Variants in FAM185A observed in about 807,000 individuals in gnomAD.
FAM185A encodes the protein family with sequence similarity 185 member A.
FAM185A carries 21 observed loss-of-function variants against 45.7 expected under a neutral mutation model. The ratio of observed to expected loss-of-function variants is 0.46; its 90% CI spans 0.33 to 0.66. The LOEUF is 0.66. FAM185A is among the 30% of genes least tolerant of loss of function. The pLI, the probability that FAM185A is intolerant of heterozygous loss-of-function variation, is 0.03. For synonymous variants in FAM185A, 117 were observed against 194.0 expected (o/e 0.60, Z 3.30); for missense variants, 305 against 485.4 (o/e 0.63, Z 3.49).
downstream of FAM185A, among the ~76,000 whole-genome samples, chr7:102,812,618 A>C (rs939792640): frequency 6.6e-6 from 1 of 152,174 alleles, no homozygotes; most frequent in Non-Finnish European, 1.5e-5. Context: ...AAAAAGCGTT[A>C]CAGATCCTTA....
At chr7:102,780,827 G>A (rs879920108) in intron 6 of FAM185A, among the ~76,000 whole-genome samples, 12 of 152,206 alleles carry the variant, frequency 7.9e-5, no homozygotes, top group Non-Finnish European at 1.3e-4. Flanking sequence ...GACAGTGGGC[G>A]CAGCGCACCG....
intron 7 of FAM185A, among the ~76,000 whole-genome samples, chr7:102,804,258 C>G (rs1383426579): frequency 6.6e-6 from 1 of 152,172 alleles, no homozygotes; most frequent in Non-Finnish European, 1.5e-5. Flanking sequence ...AATCTGGAGG[C>G]ATCATATTAC....
intron 4 of FAM185A, among the ~76,000 whole-genome samples, chr7:102,771,368 A>G (rs1289479892): frequency 1.3e-5 from 2 of 152,184 alleles, no homozygotes; most frequent in African/African-American, 4.8e-5. Context: ...ATGAAAAAAA[A>G]TTAGTAATCT....
At chr7:102,829,626 T>C in the FAM185A span, among the ~76,000 whole-genome samples, 1 of 152,182 alleles carries the variant, frequency 6.6e-6, no homozygotes, top group South Asian at 2.1e-4. Flanking sequence ...AACCAGCTTT[T>C]CCTCTGATTT....
intron 2 of FAM185A, among the ~76,000 whole-genome samples, chr7:102,753,409 C>A (rs1185544887): frequency 4.0e-5 from 6 of 151,468 alleles, no homozygotes; most frequent in Admixed American, 3.3e-4. Context: ...CCATTGTAGG[C>A]ATAAAATTAA....
intron 7 of FAM185A, among the ~76,000 whole-genome samples, chr7:102,794,885 G>GA (rs1562873969): frequency 6.6e-6 from 1 of 152,160 alleles, no homozygotes; most frequent in Non-Finnish European, 1.5e-5. Context: ...TATTCTGAGT[G>GA]AAAAAAGCCA....
intron 4 of FAM185A, among the ~76,000 whole-genome samples, chr7:102,761,622 T>G (rs1314263076): frequency 2.6e-5 from 4 of 151,954 alleles, no homozygotes; most frequent in Non-Finnish European, 5.9e-5. Flanking sequence ...GATTATGCTG[T>G]TATATATGGA....
chr7:102,751,796 G>A lies in FAM185A; in HGVS notation c.556G>A (p.Val186Ile). ...GCATGGGACTAGTATCTTGCAGTCT[G>A]TTAAGGTATAGCATTTTTCTAATTT... ...TEHGTSILQS[V>I]KGQKLHVQTK... The change falls in exon 2 of 8, where the codon GTT becomes ATT. Residue 186 changes from valine to isoleucine, a missense_variant. By Grantham distance (29) the Val-to-Ile change is conservative. Transcript: ENST00000413034. 4 of 1,532,056 alleles carry A rather than the reference G, an allele frequency of 2.6e-6. No homozygotes were observed. Among genetic ancestry groups the A allele is most frequent in the Non-Finnish European group, 3.5e-6 (4 of 1,139,092 alleles). The allele number at this position is 1,532,056 out of a possible 1,614,324, so 94.9% of individuals were successfully genotyped here.
intron 7 of FAM185A, among the ~76,000 whole-genome samples, chr7:102,800,618 G>C (rs983426529): frequency 3.9e-5 from 6 of 152,042 alleles, no homozygotes; most frequent in Admixed American, 6.5e-5. Flanking sequence ...CTCAGCAATA[G>C]AATTGAATAA....
chr7:102,840,373 T>A, the FAM185A span, among the ~76,000 whole-genome samples: 1 of 152,256 alleles, frequency 6.6e-6, no homozygotes, highest in African/African-American at 2.4e-5. Flanking sequence ...TACATTTCTC[T>A]AAGTTTATTT....
Position 102,749,265 on chromosome 7 carries a change from G to C in FAM185A, c.58G>C (p.Val20Leu). The change falls in exon 1 of 8, where the codon GTC becomes CTC. Residue 20 changes from valine (V) to leucine (L), a missense_variant. Physicochemically the swap from Val to Leu is conservative, Grantham distance 32. Around this residue, in one of 5 missense-constraint regions of FAM185A, gnomAD observed 174 missense variants for 247.1 expected, o/e 0.70. Coordinates refer to ENST00000413034, the MANE Select transcript of FAM185A (RefSeq NM_001145268.2). ...CTGCTTCCGTCTCTGTCTCCGTCAG[G>C]TCCGACTGTGGGCTGGCGCTGGGCG... ...LGCFRLCLRQ[V>L]RLWAGAGRWA... 1 of 1,550,604 alleles carries C rather than the reference G, an allele frequency of 6.4e-7. No individual in the cohort carries two copies. The highest frequency in any genetic ancestry group is 2.4e-5 in the East Asian group (1 of 40,924).
intron 3 of FAM185A, among the ~76,000 whole-genome samples, chr7:102,759,888 G>A (rs1794004521): frequency 1.3e-5 from 2 of 152,058 alleles, no homozygotes; most frequent in Non-Finnish European, 2.9e-5. Flanking sequence ...AACTTGGACG[G>A]GTTCTAGACC....
intron 4 of FAM185A, among the ~76,000 whole-genome samples, chr7:102,771,830 T>G (rs548703131): frequency 6.6e-6 from 1 of 152,296 alleles, no homozygotes; most frequent in South Asian, 2.1e-4. Flanking sequence ...ATCCTTATCA[T>G]GGAAAACATA....
At chr7:102,766,982 G>A (rs530129884) in intron 4 of FAM185A, among the ~76,000 whole-genome samples, 1 of 152,036 alleles carries the variant, frequency 6.6e-6, no homozygotes, top group East Asian at 1.9e-4. Flanking sequence ...TTTTAGTACA[G>A]ACAGGGTTTC....
rs778346681 is a variant in FAM185A at position 102,757,951 on chromosome 7, G to C, written c.654+5G>C. 3 of 1,515,496 alleles carry C rather than the reference G, an allele frequency of 2.0e-6. No homozygotes were observed. In the South Asian group the frequency reaches 3.8e-5, roughly 19 times the overall value. 93.9% of individuals were successfully genotyped at this position (1,515,496 alleles called of 1,614,324 possible). On this transcript the variant is annotated splice_donor_5th_base_variant and intron_variant, in intron 3 of 7. Transcript: ENST00000413034. Reference sequence around the variant, plus strand: ...ATTCATGCATCAGATAAAAGTGTAAGATTGAAACTTTCTTTTTTTTTTTAG... The same window carrying C: ...ATTCATGCATCAGATAAAAGTGTAACATTGAAACTTTCTTTTTTTTTTTAG...
downstream of FAM185A, chr7:102,813,220 C>G: frequency 1.2e-6 from 1 of 825,138 alleles, no homozygotes; most frequent in Non-Finnish European, 1.9e-6. Context: ...GAATAAGAAT[C>G]AGAAGATGGT....
At chr7:102,770,054 C>T (rs1202234824) in intron 4 of FAM185A, among the ~76,000 whole-genome samples, 1 of 152,152 alleles carries the variant, frequency 6.6e-6, no homozygotes. Flanking sequence ...AAAGAGAATG[C>T]TGAGTATGGA....
At chr7:102,810,443 G>C (rs1424358813), downstream of FAM185A, among the ~76,000 whole-genome samples, 1 of 152,098 alleles carries the variant, frequency 6.6e-6, no homozygotes, top group Non-Finnish European at 1.5e-5. Flanking sequence ...TGTTGGCCAG[G>C]CTGGTCTTGA....
the FAM185A span, among the ~76,000 whole-genome samples, chr7:102,840,842 T>G: frequency 6.6e-6 from 1 of 152,152 alleles, no homozygotes; most frequent in African/African-American, 2.4e-5. Context: ...TCTACCTATC[T>G]CATAGGCCTA....
Sources: gnomAD v4.1 joint callset for allele counts (sites outside exome capture counted in the v4.1 genomes callset) on GRCh38, gnomAD v4.1.1 for gene constraint, gnomAD v4.1.1 regional missense constraint, MANE v1.5 for transcripts, NCBI Gene and HGNC (gene_info 2026-07-23, HGNC 2026-07-21) for gene names.